HERC4: variants seen among roughly 807,000 people sequenced by gnomAD.
The protein encoded by HERC4 is probable E3 ubiquitin-protein ligase HERC4.
HERC4 carries 28 observed loss-of-function variants against 124.3 expected under a neutral mutation model. The ratio of observed to expected loss-of-function variants is 0.23; its 90% CI spans 0.17 to 0.31. HERC4 has a LOEUF of 0.31. Ranked by LOEUF, HERC4 falls within the 10% of genes least tolerant of loss-of-function variation. The pLI is 1.00. For missense variants in HERC4, 713 were observed against 1,229.3 expected (o/e 0.58, Z 6.28); for synonymous variants, 407 against 421.5 (o/e 0.97, Z 0.42).
At chr10:68,063,241 G>A (rs981867319) in intron 3 of HERC4, among the ~76,000 whole-genome samples, 12 of 151,282 alleles carry the variant, frequency 7.9e-5, no homozygotes, top group East Asian at 1.9e-4. Flanking sequence ...TTGGAGTCTC[G>A]CTCTGTAACC....
intron 4 of HERC4, chr10:68,039,280 C>A: frequency 2.6e-6 from 3 of 1,144,556 alleles, no homozygotes; most frequent in Middle Eastern, 2.9e-4. Flanking sequence ...CACACCATCG[C>A]ACTCCAGAAT....
chr10:68,031,715 G>T (rs1410283300), intron 7 of HERC4, among the ~76,000 whole-genome samples: 1 of 152,116 alleles, frequency 6.6e-6, no homozygotes, highest in African/African-American at 2.4e-5. Flanking sequence ...TTCCCAAGTA[G>T]AAATATAATG....
chr10:68,048,529 C>A (rs748220488), intron 3 of HERC4, among the ~76,000 whole-genome samples: 6 of 152,070 alleles, frequency 3.9e-5, no homozygotes, highest in Non-Finnish European at 8.8e-5. Flanking sequence ...ACAGGCAGAG[C>A]ATAGAGGATT....
intron 16 of HERC4, among the ~76,000 whole-genome samples, chr10:67,959,455 C>T (rs1017511896): frequency 6.6e-6 from 1 of 151,606 alleles, no homozygotes; most frequent in Non-Finnish European, 1.5e-5. Context: ...CTATGCCTGG[C>T]TTGGTCTTAA....
chr10:67,925,757 T>C (rs2030846315), intron 23 of HERC4, among the ~76,000 whole-genome samples: 1 of 152,026 alleles, frequency 6.6e-6, no homozygotes, highest in African/African-American at 2.4e-5. Context: ...TCTGGATCAC[T>C]CACTCTGGGG....
In HERC4 at chr10:67,923,156, C is replaced by A. The variant is rs2030410905; in HGVS notation, c.2942-17G>T. The A allele has an allele frequency of 6.3e-7, 1 of 1,598,496 alleles. No homozygotes were observed. Among genetic ancestry groups the A allele is most frequent in the Admixed American group, 1.7e-5 (1 of 59,360 alleles). On this transcript the variant is annotated splice_polypyrimidine_tract_variant and intron_variant, in intron 24 of 24. Transcript: ENST00000373700. ...TCAAAAATACTGCCAAGAAAGAAATCATTCAGTCAACCACTTCAAAACAAA... is the reference window on the plus strand; with the variant it reads ...TCAAAAATACTGCCAAGAAAGAAATAATTCAGTCAACCACTTCAAAACAAA...
chr10:67,947,941 G>A (rs895735167), intron 19 of HERC4, among the ~76,000 whole-genome samples: 20 of 129,114 alleles, frequency 1.5e-4, no homozygotes, highest in Admixed American at 5.3e-4. Context: ...TGCCCACCTT[G>A]GCCTCCCAAA....
intron 3 of HERC4, among the ~76,000 whole-genome samples, chr10:68,063,900 T>C (rs1017531774): frequency 2.0e-5 from 3 of 151,796 alleles, no homozygotes; most frequent in African/African-American, 4.8e-5. Flanking sequence ...GGCTGCACCA[T>C]TGCACTCCAG....
chr10:67,960,743 C>T (rs961272425), intron 16 of HERC4: 1 of 212,694 alleles, frequency 4.7e-6, no homozygotes, highest in African/African-American at 2.4e-5. Context: ...GCTCATATAA[C>T]CTTAGCACCT....
At position 67,990,195 on chromosome 10, in the gene HERC4, A is replaced by G. The variant is rs1213025894; in HGVS notation, c.1633+16T>C. ...AAGAGAAAAGGTTTCAAAAGAAAAA[A>G]TATTAGAATTCTTACCAAGTACTTT... On this transcript the variant is annotated intron_variant, in intron 14 of 24. Transcript: ENST00000373700. 13 of 1,571,318 alleles carry G rather than the reference A, an allele frequency of 8.3e-6. No homozygotes were observed. The highest frequency in any genetic ancestry group is 1.1e-5 in the Non-Finnish European group (13 of 1,162,028).
At chr10:67,947,834 ACACTCT>A (rs1463868852) in intron 19 of HERC4, among the ~76,000 whole-genome samples, 1 of 148,776 alleles carries the variant, frequency 6.7e-6, no homozygotes, top group East Asian at 2.0e-4. Flanking sequence ...ATTAAACAAT[ACACTCT>A]TTTTTTTTTT....
rs1395578079 is a variant in HERC4 at position 68,073,015 on chromosome 10, T to C, written c.94A>G (p.Ile32Val). Residue 32 changes from isoleucine to valine, a missense_variant, in exon 3 of 25, where the codon ATA becomes GTA. Physicochemically the swap from Ile to Val is conservative, Grantham distance 29. Coordinates refer to ENST00000373700, the MANE Select transcript of HERC4 (RefSeq NM_015601.4). ...VLEPRKSDFF[I>V]NKRVRDVGCG... ...CCTACATCTCGGACCCTTTTATTTA[T>C]AAAGAAGTCACTTTTTCTGGGCTCT... 1.2e-5 allele frequency: 20 copies of C among 1,613,920 alleles called. No homozygotes were observed. The highest frequency in any genetic ancestry group is 1.7e-5 in the Admixed American group (1 of 60,000).
chr10:68,015,213 G>C (rs146597024), intron 8 of HERC4, among the ~76,000 whole-genome samples: 1 of 152,072 alleles, frequency 6.6e-6, no homozygotes, highest in Non-Finnish European at 1.5e-5. Flanking sequence ...CTCTACCATC[G>C]TAAGAATAAA....
At position 68,010,059 on chromosome 10, in the gene HERC4, A is replaced by G. The variant is rs979364043; in HGVS notation, c.1069+3967T>C. 1.7e-5 allele frequency: 9 copies of G among 536,104 alleles called. No individual in the cohort carries two copies. In the Admixed American group the frequency reaches 2.3e-4, roughly 14 times the overall value. The allele number at this position is 536,104 out of a possible 1,614,324, so 33.2% of individuals were successfully genotyped here. ...CCTTCCCTCCAACCAGTTGCCCCAA[A>G]CTCCCCTGCCCCCACCCTTTGTGTT... On this transcript the variant is annotated intron_variant, in intron 9 of 24. Transcript: ENST00000373700.
chr10:67,984,331 T>A (rs2036131907), intron 15 of HERC4, among the ~76,000 whole-genome samples: 1 of 151,188 alleles, frequency 6.6e-6, no homozygotes, highest in Non-Finnish European at 1.5e-5. Flanking sequence ...GTGACATTCC[T>A]GTGTCATGTG....
At chr10:67,927,397 TATATATATATATATATATATATATATATA>T (rs1564910398) in intron 23 of HERC4, among the ~76,000 whole-genome samples, 2 of 6,338 alleles carry the variant, frequency 3.2e-4, no homozygotes, top group African/African-American at 1.3e-3. Flanking sequence ...TATATATATA[TATATATATATATATATATATATATATATA>T]TATATTTTTT....
intron 8 of HERC4, 111 bp from the exon 9 acceptor site, chr10:68,014,297 T>A: frequency 1.0e-6 from 1 of 953,346 alleles, no homozygotes; most frequent in Non-Finnish European, 1.5e-6. Flanking sequence ...AAAAAATTAA[T>A]AAAACCAATT....
intron 8 of HERC4, among the ~76,000 whole-genome samples, chr10:68,022,900 A>G (rs575445045): frequency 6.6e-6 from 1 of 152,296 alleles, no homozygotes; most frequent in East Asian, 1.9e-4. Flanking sequence ...AAAGATGTAC[A>G]AATGGTCAAC....
intron 15 of HERC4, among the ~76,000 whole-genome samples, chr10:67,978,791 G>A (rs2035754405): frequency 6.6e-6 from 1 of 152,124 alleles, no homozygotes; most frequent in Non-Finnish European, 1.5e-5. Context: ...AGTTTGTTTT[G>A]GAAAAAGTAA....
Sources: gnomAD v4.1 joint callset for allele counts (sites outside exome capture counted in the v4.1 genomes callset) on GRCh38, gnomAD v4.1.1 for gene constraint, MANE v1.5 for transcripts, NCBI Gene and HGNC (gene_info 2026-07-23, HGNC 2026-07-21) for gene names.